Variants in RBFOX1 observed in about 807,000 individuals in gnomAD.
RBFOX1 encodes the protein RNA binding fox-1 homolog 1.
In RBFOX1, 8 loss-of-function variants were observed where a neutral mutation model predicts 57.7. The ratio of observed to expected loss-of-function variants is 0.14; its 90% CI spans 0.08 to 0.25. RBFOX1 has a LOEUF of 0.25. RBFOX1 is among the 10% of genes least tolerant of loss of function. The pLI is 1.00. For missense variants in RBFOX1, 611 were observed against 548.5 expected (o/e 1.11, Z -1.14); for synonymous variants, 326 against 222.4 (o/e 1.47, Z -4.15).
At chr16:7,696,109 A>C (rs1376908115) in intron 14 of RBFOX1, among the ~76,000 whole-genome samples, 2 of 152,234 alleles carry the variant, frequency 1.3e-5, no homozygotes, top group African/African-American at 4.8e-5. Flanking sequence ...TTTTCTAGCC[A>C]CATGGAATAG....
chr16:5,325,325 GTCCTTTGTATCTGCATTTAC>G (rs2064538266), intron 1 of RBFOX1, among the ~76,000 whole-genome samples: 8 of 152,032 alleles, frequency 5.3e-5, no homozygotes, highest in Non-Finnish European at 1.2e-4. Flanking sequence ...AGACTCACTT[GTCCTTTGTATCTGCATTTAC>G]TTTTCTTTGA....
chr16:7,384,417 T>C (rs1303182820), intron 4 of RBFOX1, among the ~76,000 whole-genome samples: 2 of 152,118 alleles, frequency 1.3e-5, no homozygotes, highest in Non-Finnish European at 2.9e-5. Flanking sequence ...GCTCTCCTGG[T>C]ATTTTGGTTC....
At chr16:7,264,105 C>A (rs1411837797) in intron 4 of RBFOX1, among the ~76,000 whole-genome samples, 2 of 152,028 alleles carry the variant, frequency 1.3e-5, no homozygotes, top group Non-Finnish European at 2.9e-5. Flanking sequence ...TGATCTTAAA[C>A]AAAATGACTA....
chr16:7,448,752 G>A (rs531043045), intron 4 of RBFOX1, among the ~76,000 whole-genome samples: 9 of 152,154 alleles, frequency 5.9e-5, no homozygotes, highest in Admixed American at 5.2e-4. Context: ...TGCCTGCATT[G>A]TCACACATAC....
At chr16:7,020,317 C>T (rs970062280) in intron 3 of RBFOX1, among the ~76,000 whole-genome samples, 9 of 152,104 alleles carry the variant, frequency 5.9e-5, no homozygotes, top group South Asian at 4.1e-4. Context: ...CCTCTGTCCG[C>T]CAGGTTCAAG....
rs571874887 is a variant in RBFOX1 at position 6,920,936 on chromosome 16, A to G, written c.-15-131121A>G. ...TGGACATAGGTTTTTGCAGGACACT[A>G]TCTGGCTAGTCTGTAATGACTATCA... On this transcript the variant is annotated intron_variant, in intron 3 of 15. Coordinates refer to ENST00000550418, the MANE Select transcript of RBFOX1 (RefSeq NM_018723.4). Among the ~76,000 whole-genome samples the G allele has an allele frequency of 2.6e-5, 4 of 152,288 alleles. No individual in the cohort carries two copies. The South Asian group carries it at 8.3e-4, about 32-fold the overall frequency.
At chr16:5,318,112 G>T (rs1409319904) in intron 1 of RBFOX1, among the ~76,000 whole-genome samples, 1 of 151,906 alleles carries the variant, frequency 6.6e-6, no homozygotes, top group Non-Finnish European at 1.5e-5. Context: ...TTAACAGGTT[G>T]TTTACACCTA....
At chr16:6,901,721 T>G (rs1281208130) in intron 3 of RBFOX1, among the ~76,000 whole-genome samples, 3 of 152,298 alleles carry the variant, frequency 2.0e-5, no homozygotes, top group Admixed American at 2.0e-4. Flanking sequence ...GAAGCTCATT[T>G]GCTTATTTGA....
chr16:7,582,004 T>A (rs2093804265), intron 6 of RBFOX1, among the ~76,000 whole-genome samples: 1 of 149,122 alleles, frequency 6.7e-6, no homozygotes, highest in African/African-American at 2.5e-5. Flanking sequence ...GCATAAGATG[T>A]GAGCTATTGC....
chr16:6,939,006 C>G (rs2077856203), intron 3 of RBFOX1, among the ~76,000 whole-genome samples: 1 of 152,120 alleles, frequency 6.6e-6, no homozygotes, highest in Admixed American at 6.6e-5. Flanking sequence ...CTTGTAGTCA[C>G]TTTCCTTAGA....
chr16:7,112,009 T>G (rs566137697), intron 4 of RBFOX1, among the ~76,000 whole-genome samples: 1 of 152,280 alleles, frequency 6.6e-6, no homozygotes, highest in East Asian at 1.9e-4. Flanking sequence ...CTATACAGAT[T>G]GTACTTTTCA....
At chr16:5,473,168 C>T (rs1283107636) in intron 2 of RBFOX1, among the ~76,000 whole-genome samples, 2 of 152,160 alleles carry the variant, frequency 1.3e-5, no homozygotes, top group African/African-American at 2.4e-5. Context: ...AATAATATTC[C>T]TTTTTTGTTC....
chr16:5,750,476 A>C (rs2151617652), intron 3 of RBFOX1, among the ~76,000 whole-genome samples: 1 of 152,360 alleles, frequency 6.6e-6, no homozygotes, highest in South Asian at 2.1e-4. Flanking sequence ...TGGAGTCTAC[A>C]GAGGCAGGCA....
At chr16:5,315,616 G>T (rs1023077633) in intron 1 of RBFOX1, among the ~76,000 whole-genome samples, 1 of 152,162 alleles carries the variant, frequency 6.6e-6, no homozygotes, top group Non-Finnish European at 1.5e-5. Flanking sequence ...TGTGTAGCAG[G>T]GACCCTGTTT....
intron 3 of RBFOX1, among the ~76,000 whole-genome samples, chr16:6,741,948 GTATTA>G (rs1359410782): frequency 1.3e-5 from 2 of 152,080 alleles, no homozygotes; most frequent in African/African-American, 4.8e-5. Flanking sequence ...TAATAATTCT[GTATTA>G]TATTCTTGAA....
chr16:6,335,823 A>G (rs1025833094), intron 2 of RBFOX1, among the ~76,000 whole-genome samples: 8 of 150,870 alleles, frequency 5.3e-5, no homozygotes, highest in Admixed American at 5.3e-4. Context: ...AAAAGAAAAA[A>G]TAAAACAAAA....
At chr16:5,516,120 G>A (rs2043783531) in intron 2 of RBFOX1, among the ~76,000 whole-genome samples, 1 of 152,188 alleles carries the variant, frequency 6.6e-6, no homozygotes. Flanking sequence ...TAAGCTTGGT[G>A]GCCTTCTGAG....
chr16:6,947,617 G>T (rs1412721549), intron 3 of RBFOX1, among the ~76,000 whole-genome samples: 1 of 152,198 alleles, frequency 6.6e-6, no homozygotes, highest in Non-Finnish European at 1.5e-5. Flanking sequence ...AAGGAAAACT[G>T]TTCCTGGTTC....
chr16:5,938,140 CG>C (rs1376130658), intron 4 of RBFOX1, among the ~76,000 whole-genome samples: 4 of 152,048 alleles, frequency 2.6e-5, no homozygotes, highest in Non-Finnish European at 4.4e-5. Flanking sequence ...TCTTTGCTTC[CG>C]TACTTTACAC....
Sources: gnomAD v4.1 joint callset for allele counts (sites outside exome capture counted in the v4.1 genomes callset) on GRCh38, gnomAD v4.1.1 for gene constraint, MANE v1.5 for transcripts, NCBI Gene and HGNC (gene_info 2026-07-23, HGNC 2026-07-21) for gene names.